Variants in STIM2 observed in about 807,000 individuals in gnomAD.
The protein encoded by STIM2 is stromal interaction molecule 2.
A neutral mutation model predicts 85.8 loss-of-function variants in STIM2; 31 were observed. The observed-to-expected ratio is 0.36, with a 90% confidence interval of 0.27 to 0.49. The LOEUF is 0.49. Among genes scored for constraint, STIM2 ranks in the 20% least tolerant of loss-of-function variants. The pLI is 0.98. For synonymous variants in STIM2, 356 were observed against 331.1 expected, an observed-to-expected ratio of 1.08 and a Z score of -0.82; for missense variants, 841 against 927.6, an observed-to-expected ratio of 0.91 and a Z score of 1.21.
At chr4:26,991,269 C>T (rs572169054) in intron 3 of STIM2, among the ~76,000 whole-genome samples, 5 of 152,058 alleles carry the variant, frequency 3.3e-5, no homozygotes, top group Admixed American at 6.6e-5. Flanking sequence ...AATAAAATCC[C>T]GTTATTTACA....
intron 1 of STIM2, among the ~76,000 whole-genome samples, chr4:26,904,332 A>T (rs186395179): frequency 1.7e-4 from 26 of 152,258 alleles, no homozygotes; most frequent in Admixed American, 1.6e-3. Flanking sequence ...AAGTGTCAAT[A>T]TATGTATATA....
chr4:26,902,089 C>T (rs1345540683), intron 1 of STIM2, among the ~76,000 whole-genome samples: 2 of 151,952 alleles, frequency 1.3e-5, no homozygotes, highest in Non-Finnish European at 2.9e-5. Flanking sequence ...AGGGTTTCAA[C>T]AGAAGTGGTG....
intron 2 of STIM2, among the ~76,000 whole-genome samples, chr4:26,949,299 T>G (rs560319831): frequency 7.9e-5 from 12 of 152,180 alleles, no homozygotes; most frequent in Non-Finnish European, 1.5e-4. Flanking sequence ...TTTCTAAAAG[T>G]AGCAACTCCA....
chr4:26,994,358 C>G (rs1289595128), intron 3 of STIM2, among the ~76,000 whole-genome samples: 1 of 152,024 alleles, frequency 6.6e-6, no homozygotes, highest in East Asian at 1.9e-4. Context: ...TTTTGTTTAG[C>G]TACCAGCCCC....
intron 2 of STIM2, among the ~76,000 whole-genome samples, chr4:26,919,946 T>C (rs1387952761): frequency 1.1e-4 from 17 of 152,138 alleles, no homozygotes; most frequent in Admixed American, 1.0e-3. Flanking sequence ...CCAAATGTAG[T>C]GGTTTAAAAT....
intron 2 of STIM2, among the ~76,000 whole-genome samples, chr4:26,953,362 C>G (rs961712162): frequency 5.9e-5 from 9 of 152,070 alleles, no homozygotes; most frequent in African/African-American, 2.2e-4. Flanking sequence ...TTTGCATATA[C>G]TATGTATGCC....
intron 2 of STIM2, among the ~76,000 whole-genome samples, chr4:26,936,987 G>A (rs1725417248): frequency 6.6e-6 from 1 of 151,898 alleles, no homozygotes; most frequent in South Asian, 2.1e-4. Context: ...TGGGGTTCCA[G>A]CGTGTTGCCA....
intron 1 of STIM2, among the ~76,000 whole-genome samples, chr4:26,866,230 T>G (rs1326452423): frequency 6.6e-6 from 1 of 152,172 alleles, no homozygotes; most frequent in East Asian, 1.9e-4. Context: ...TGTCTTTATC[T>G]TCATATAGTA....
chr4:26,986,950 A>G (rs1311428825), intron 3 of STIM2, among the ~76,000 whole-genome samples: 1 of 152,238 alleles, frequency 6.6e-6, no homozygotes, highest in Non-Finnish European at 1.5e-5. Context: ...CATAAGATAT[A>G]AGCAAACAGT....
intron 3 of STIM2, among the ~76,000 whole-genome samples, chr4:26,974,806 C>G (rs543946282): frequency 1.3e-5 from 2 of 152,266 alleles, no homozygotes; most frequent in East Asian, 3.9e-4. Context: ...TGGGGGTGTT[C>G]TCCTGGATAA....
chr4:27,008,442 AAAG>A lies in STIM2; in HGVS notation c.1169_1171del (p.Lys390del), dbSNP rs1338056075. On this transcript the variant is annotated inframe_deletion, in exon 9 of 12. Coordinates refer to ENST00000467087, the MANE Select transcript of STIM2 (RefSeq NM_020860.4). ...TCGGTTTCTAGGCAGAAAAAATTAA[AAAG>A]AAGAGAAGCACAGTCTTTGGGACTC... 1.9e-6 allele frequency: 3 copies of A among 1,583,700 alleles called. No homozygotes were observed. The highest frequency in any genetic ancestry group is 2.3e-5 in the East Asian group (1 of 43,976).
intron 1 of STIM2, among the ~76,000 whole-genome samples, chr4:26,906,322 G>A (rs996957948): frequency 6.6e-6 from 1 of 152,142 alleles, no homozygotes; most frequent in Admixed American, 6.5e-5. Context: ...CACCTATTGG[G>A]TGCTTTGCCT....
intron 3 of STIM2, among the ~76,000 whole-genome samples, chr4:26,990,712 A>C (rs2109121486): frequency 1.3e-5 from 2 of 152,302 alleles, no homozygotes; most frequent in Middle Eastern, 6.8e-3. Flanking sequence ...TAATAACCAG[A>C]ATATATAAGG....
At chr4:26,872,236 G>C (rs897561659) in intron 1 of STIM2, among the ~76,000 whole-genome samples, 1 of 152,102 alleles carries the variant, frequency 6.6e-6, no homozygotes, top group Admixed American at 6.6e-5. Context: ...TGAGTGGTCC[G>C]AGATTAGTTA....
chr4:26,993,348 G>A (rs566007903), intron 3 of STIM2, among the ~76,000 whole-genome samples: 2 of 152,252 alleles, frequency 1.3e-5, no homozygotes, highest in South Asian at 2.1e-4. Context: ...AACACATGAA[G>A]GGGAGAACAG....
intron 3 of STIM2, among the ~76,000 whole-genome samples, chr4:26,987,544 C>T (rs1727624035): frequency 6.6e-6 from 1 of 152,188 alleles, no homozygotes; most frequent in African/African-American, 2.4e-5. Flanking sequence ...ATCCTGTCCC[C>T]ACTTTCCCAT....
chr4:26,929,629 A>G (rs1725127881), intron 2 of STIM2, among the ~76,000 whole-genome samples: 2 of 151,034 alleles, frequency 1.3e-5, no homozygotes, highest in East Asian at 1.9e-4. Flanking sequence ...TTAAAAACTT[A>G]TTTTTTTTTC....
intron 3 of STIM2, among the ~76,000 whole-genome samples, chr4:26,976,988 A>G (rs1727226322): frequency 6.6e-6 from 1 of 152,206 alleles, no homozygotes; most frequent in Non-Finnish European, 1.5e-5. Context: ...AACTGCTGGT[A>G]CAGGTTATTT....
chr4:26,870,908 T>G (rs1722588913), intron 1 of STIM2, among the ~76,000 whole-genome samples: 1 of 152,098 alleles, frequency 6.6e-6, no homozygotes, highest in Non-Finnish European at 1.5e-5. Flanking sequence ...ATCCTTTTTT[T>G]TTTTTTTTAA....
Sources: gnomAD v4.1 joint callset for allele counts (sites outside exome capture counted in the v4.1 genomes callset) on GRCh38, gnomAD v4.1.1 for gene constraint, MANE v1.5 for transcripts, NCBI Gene and HGNC (gene_info 2026-07-23, HGNC 2026-07-21) for gene names.